Variants in GRIK1 observed in about 807,000 individuals in gnomAD.
GRIK1 encodes glutamate ionotropic receptor kainate type subunit 1.
GRIK1 carries 69 observed loss-of-function variants against 105.7 expected under a neutral mutation model. The ratio of observed to expected loss-of-function variants is 0.65; its 90% confidence interval spans 0.54 to 0.80. GRIK1 has a LOEUF of 0.80. Ranked by LOEUF, GRIK1 falls within the 30% of genes least tolerant of loss-of-function variation. The pLI is 0.00. For synonymous variants in GRIK1, 438 were observed against 431.3 expected, an observed-to-expected ratio of 1.02 and a Z score of -0.19; for missense variants, 1,109 against 1,167.3, an observed-to-expected ratio of 0.95 and a Z score of 0.73.
chr21:29,558,947 T>C (rs1464534144), intron 15 of GRIK1, among the ~76,000 whole-genome samples: 2 of 152,108 alleles, frequency 1.3e-5, no homozygotes, highest in Non-Finnish European at 2.9e-5. Context: ...CAATTAAAAG[T>C]CTCATGTTAA....
chr21:29,754,244 A>G (rs1386122895), intron 1 of GRIK1, among the ~76,000 whole-genome samples: 1 of 152,206 alleles, frequency 6.6e-6, no homozygotes, highest in Non-Finnish European at 1.5e-5. Flanking sequence ...CAGAAAAATA[A>G]ATAAATACAA....
chr21:29,818,613 GC>G (rs979087325), intron 1 of GRIK1, among the ~76,000 whole-genome samples: 2 of 152,050 alleles, frequency 1.3e-5, no homozygotes, highest in African/African-American at 4.8e-5. Flanking sequence ...AAGGCAAACA[GC>G]TTTTCATAAT....
intron 1 of GRIK1, among the ~76,000 whole-genome samples, chr21:29,796,986 A>G (rs978819288): frequency 6.6e-6 from 1 of 151,616 alleles, no homozygotes; most frequent in African/African-American, 2.4e-5. Flanking sequence ...AAAAAAAAAA[A>G]AGAAAAACCC....
intron 1 of GRIK1, among the ~76,000 whole-genome samples, chr21:29,936,897 A>G (rs1449365412): frequency 6.6e-6 from 1 of 152,074 alleles, no homozygotes; most frequent in Non-Finnish European, 1.5e-5. Context: ...GTGCCTAGCG[A>G]TTTTGCTATA....
intron 2 of GRIK1, among the ~76,000 whole-genome samples, chr21:29,691,177 G>T (rs1339493885): frequency 6.6e-6 from 1 of 152,062 alleles, no homozygotes; most frequent in African/African-American, 2.4e-5. Flanking sequence ...CAGGTGTGTT[G>T]GTGTGCACCT....
At chr21:29,836,512 T>C (rs1450211376) in intron 1 of GRIK1, among the ~76,000 whole-genome samples, 1 of 152,206 alleles carries the variant, frequency 6.6e-6, no homozygotes, top group Non-Finnish European at 1.5e-5. Flanking sequence ...TAGTAAAACA[T>C]ATACTAAATA....
At chr21:29,554,550 A>G (rs1403996913) in intron 16 of GRIK1, among the ~76,000 whole-genome samples, 3 of 152,150 alleles carry the variant, frequency 2.0e-5, no homozygotes, top group Non-Finnish European at 4.4e-5. Context: ...AAAAAATTTG[A>G]GGTGATATAT....
Position 29,591,136 on chromosome 21 carries a change from T to C in GRIK1, c.1341A>G (p.Arg447=), listed in dbSNP as rs1264570392. The stretch of plus-strand genomic sequence containing the variant: ...CCAGAATGGTGGTGACAATGAGTGT[T>C]CTGTTGGCCAATGAATCAGTGATAT... ...SSNITDSLAN[R]TLIVTTILEE... The change falls in exon 10 of 18, where the codon AGA becomes AGG. Residue 447 remains arginine (R), a synonymous_variant. Transcript: ENST00000327783. The C allele has an allele frequency of 3.1e-6, 5 of 1,597,086 alleles. No individual in the cohort carries two copies. Among genetic ancestry groups the C allele is most frequent in the Non-Finnish European group, 3.4e-6 (4 of 1,164,344 alleles).
intron 1 of GRIK1, among the ~76,000 whole-genome samples, chr21:29,908,857 T>C (rs1233691189): frequency 2.0e-5 from 3 of 152,194 alleles, no homozygotes; most frequent in Admixed American, 1.3e-4. Context: ...ACTAATATAA[T>C]GTTGGTCTGT....
intron 1 of GRIK1, among the ~76,000 whole-genome samples, chr21:29,695,597 C>A (rs1192305416): frequency 6.6e-6 from 1 of 152,044 alleles, no homozygotes; most frequent in Admixed American, 6.6e-5. Flanking sequence ...GCCTCAGCTA[C>A]CTGAGTAGCT....
intron 1 of GRIK1, among the ~76,000 whole-genome samples, chr21:29,706,576 G>A (rs573286813): frequency 1.4e-4 from 22 of 152,284 alleles, no homozygotes; most frequent in South Asian, 1.2e-3. Context: ...GAATGAGTTC[G>A]ATGAAAGTTA....
intron 1 of GRIK1, among the ~76,000 whole-genome samples, chr21:29,888,201 C>CTTTCTTTCTTTCTTTCTTTCTTTCTTT: frequency 1.7e-5 from 1 of 57,344 alleles, no homozygotes; most frequent in Non-Finnish European, 3.7e-5. Context: ...TTCTTTCTCT[C>CTTTCTTTCTTTCTTTCTTTCTTTCTTT]TCTCTCTCTC....
chr21:29,591,771 G>T (rs1019726099), intron 9 of GRIK1, among the ~76,000 whole-genome samples: 1 of 152,132 alleles, frequency 6.6e-6, no homozygotes, highest in African/African-American at 2.4e-5. Context: ...AAAGATAGTG[G>T]GGTGCCGAGA....
chr21:29,864,098 G>A (rs968292982), intron 1 of GRIK1, among the ~76,000 whole-genome samples: 1 of 150,846 alleles, frequency 6.6e-6, no homozygotes, highest in Non-Finnish European at 1.5e-5. Context: ...ATATTTAACA[G>A]ATTTTTTTTT....
At chr21:29,799,735 G>A (rs1282031951) in intron 1 of GRIK1, among the ~76,000 whole-genome samples, 6 of 152,056 alleles carry the variant, frequency 3.9e-5, no homozygotes, top group African/African-American at 7.2e-5. Context: ...TCACTATGTC[G>A]GCTAGGCTGG....
At chr21:29,825,680 G>A (rs954375921) in intron 1 of GRIK1, among the ~76,000 whole-genome samples, 1 of 152,068 alleles carries the variant, frequency 6.6e-6, no homozygotes, top group Admixed American at 6.6e-5. Context: ...TATGAAAGCT[G>A]TACAAATGAT....
At chr21:29,861,595 A>G (rs1275312782) in intron 1 of GRIK1, 1 of 382,652 alleles carries the variant, frequency 2.6e-6, no homozygotes, top group Non-Finnish European at 5.2e-6. Flanking sequence ...GTGTGAGCCA[A>G]CACGCCCGGC....
chr21:29,542,461 A>G (rs1170753232), intron 16 of GRIK1, among the ~76,000 whole-genome samples: 5 of 152,124 alleles, frequency 3.3e-5, no homozygotes, highest in Admixed American at 6.5e-5. Context: ...ATAAAGTTCT[A>G]TTTGTTTTGT....
intron 1 of GRIK1, chr21:29,760,608 A>G (rs935023213): frequency 2.8e-4 from 42 of 152,364 alleles, no homozygotes; most frequent in African/African-American, 9.9e-4. Context: ...GCACCGTGGT[A>G]TGCGAAGATG....
Sources: gnomAD v4.1 joint callset for allele counts (sites outside exome capture counted in the v4.1 genomes callset) on GRCh38, gnomAD v4.1.1 for gene constraint, MANE v1.5 for transcripts, NCBI Gene and HGNC (gene_info 2026-07-23, HGNC 2026-07-21) for gene names.